NLRP7: variants seen among roughly 807,000 people sequenced by gnomAD.
The protein encoded by NLRP7 is NACHT, LRR and PYD domains-containing protein 7.
In NLRP7, 72 loss-of-function variants were observed where a neutral mutation model predicts 85.5. The ratio of observed to expected loss-of-function variants is 0.84; its 90% CI spans 0.70 to 1.02. NLRP7 has a LOEUF of 1.02. NLRP7 is among the 50% of genes least tolerant of loss of function. NLRP7 has a pLI of 0.00. For missense variants in NLRP7, 1,243 were observed against 1,219.5 expected (o/e 1.02, Z -0.29); for synonymous variants, 550 against 505.2 (o/e 1.09, Z -1.19).
intron 1 of NLRP7, among the ~76,000 whole-genome samples, chr19:54,957,813 A>C (rs1249454779): frequency 3.3e-5 from 5 of 152,142 alleles, no homozygotes; most frequent in Admixed American, 3.3e-4. Flanking sequence ...CAAAGAACCT[A>C]GGAGGGTGGA....
At chr19:54,943,340 G>A (rs533527638) in intron 1 of NLRP7, among the ~76,000 whole-genome samples, 10 of 152,034 alleles carry the variant, frequency 6.6e-5, no homozygotes, top group Non-Finnish European at 1.2e-4. Context: ...GGTGGCTCAC[G>A]CCTGTAATCC....
chr19:54,956,027 C>T (rs1019269435), intron 1 of NLRP7, among the ~76,000 whole-genome samples: 3 of 152,020 alleles, frequency 2.0e-5, no homozygotes, highest in African/African-American at 7.2e-5. Flanking sequence ...GTAGTCCCAG[C>T]TACTCAGGAG....
chr19:54,923,842 G>A (rs1389989238), exon 10 of NLRP7: 1 of 1,613,894 alleles, frequency 6.2e-7, no homozygotes, highest in Non-Finnish European at 8.5e-7. Context: ...ACAGCTTCTT[G>A]ATTTCCAAAT....
At chr19:54,954,030 A>AAGGGCAACCGAGGCCAGACG (rs1395778675) in intron 1 of NLRP7, among the ~76,000 whole-genome samples, 3 of 148,884 alleles carry the variant, frequency 2.0e-5, no homozygotes, top group African/African-American at 7.4e-5. Context: ...ATAAATAAAA[A>AAGGGCAACCGAGGCCAGACG]TAAATAAAGC....
chr19:54,930,348 G>C, intron 9 of NLRP7, 151 bp downstream of exon 9: 1 of 648,128 alleles, frequency 1.5e-6, no homozygotes, highest in Non-Finnish European at 2.8e-6. Flanking sequence ...TGTAGAGCCA[G>C]CTACTCAGGA....
intron 1 of NLRP7, among the ~76,000 whole-genome samples, chr19:54,943,917 G>C (rs889326365): frequency 5.3e-5 from 8 of 152,062 alleles, no homozygotes; most frequent in Non-Finnish European, 1.5e-5. Context: ...GTGGGTTTAG[G>C]GCTATGCAGG....
chr19:54,933,427 G>T, intron 8 of NLRP7, 142 bp downstream of exon 8: 4 of 1,040,906 alleles, frequency 3.8e-6, no homozygotes, highest in Non-Finnish European at 4.4e-6. Flanking sequence ...TTACAGGCAT[G>T]AGCCACCACG....
In NLRP7 at chr19:54,944,578, TTGTCTC is replaced by T. The variant is rs561273862; in HGVS notation, c.-39-2834_-39-2829del. Among the ~76,000 whole-genome samples the T allele has an allele frequency of 3.3e-4, 50 of 152,066 alleles. No homozygotes were observed. In the South Asian group the frequency reaches 9.8e-3, roughly 30 times the overall value. ...GAGCCCACTTTTCTTTCTGTGTACT[TTGTCTC>T]TGTGTCTCTTTCTTTTCTCAGTCTC... On this transcript the variant is annotated intron_variant, in intron 1 of 9. Transcript: ENST00000340844.
rs104895552 is a variant in NLRP7 at position 54,936,279 on chromosome 19, C to T, written c.2282G>A (p.Cys761Tyr). 1.2e-6 allele frequency: 2 copies of T among 1,613,538 alleles called. No homozygotes were observed. The highest frequency in any genetic ancestry group is 1.7e-5 in the Admixed American group (1 of 59,996). Reference sequence around the variant, plus strand: ...GACCCACCTCAGGTACTGCAGGTTGCATTTATGATTTCTGAGCAGGTCACA... The same window carrying T: ...GACCCACCTCAGGTACTGCAGGTTGTATTTATGATTTCTGAGCAGGTCACA... Residue 761 changes from cysteine to tyrosine, a missense_variant, in exon 6 of 10, where the codon TGC becomes TAC. Cys to Tyr is a radical substitution (Grantham distance 194, BLOSUM62 -2). This residue lies in a region of NLRP7 where 613 missense variants were observed against 588.4 expected (regional missense o/e 1.04). Transcript: ENST00000340844.
In NLRP7 at chr19:54,934,162, C is replaced by T. The variant is rs552437929; in HGVS notation, c.2471+327G>A. 1.3e-4 allele frequency among the ~76,000 whole-genome samples: 20 copies of T among 152,238 alleles called. No homozygotes were observed. Among genetic ancestry groups the T allele is most frequent in the South Asian group, 4.2e-4 (2 of 4,818 alleles). ...TTCACCATGTTAGCCAGGATGGTCT[C>T]GATCTCTTGACCTCGTGATCTCCCC... On this transcript the variant is annotated intron_variant, in intron 7 of 9. Coordinates refer to ENST00000340844, the Ensembl canonical transcript of NLRP7. The surrounding 1 kb of genome is among the most constrained non-coding windows in gnomAD (Gnocchi z 6.7).
intron 9 of NLRP7, chr19:54,927,682 C>T: frequency 6.2e-7 from 1 of 1,614,188 alleles, no homozygotes; most frequent in Non-Finnish European, 8.5e-7. Flanking sequence ...ACAAATGATT[C>T]TGGCCCAGGT....
rs140742138 is a variant in NLRP7 at position 54,939,087 on chromosome 19, A to T, written c.1732T>A (p.Ser578Thr). 22 of 1,614,050 alleles carry T rather than the reference A, an allele frequency of 1.4e-5. No individual in the cohort carries two copies. In the African/African-American group the frequency reaches 2.1e-4, roughly 16 times the overall value. The stretch of plus-strand genomic sequence containing the variant: ...ACCTTCGCCAGCTCCTCCTCCTGAG[A>T]CTCATACAGGCAGCCCAAGACCTCC... Residue 578 changes from serine to threonine, a missense_variant, in exon 4 of 10, where the codon TCT becomes ACT. Transcript: ENST00000340844.
Position 54,943,865 on chromosome 19 carries a change from AG to A in NLRP7, c.-39-2116del, listed in dbSNP as rs748133154. On this transcript the variant is annotated intron_variant, in intron 1 of 9. Transcript: ENST00000340844. ...TGAGATGCTGTTAACCTGTAACCCT[AG>A]CCCCAACCCTGTGCTCCCAGAAACA... is the stretch of plus-strand genomic sequence containing the variant. 4.5e-4 allele frequency among the ~76,000 whole-genome samples: 69 copies of A among 152,234 alleles called. 1 individual carries two copies. Among genetic ancestry groups the A allele is most frequent in the Admixed American group, 2.2e-3 (34 of 15,266 alleles).
upstream of NLRP7, among the ~76,000 whole-genome samples, chr19:54,949,334 G>A (rs917659672): frequency 6.6e-6 from 1 of 151,650 alleles, no homozygotes; most frequent in Non-Finnish European, 1.5e-5. Context: ...CCAGCACTTT[G>A]GGAGGCTGAG....
chr19:54,926,062 C>CAA (rs76438352), intron 9 of NLRP7, among the ~76,000 whole-genome samples: 11 of 149,598 alleles, frequency 7.4e-5, no homozygotes, highest in South Asian at 2.1e-4. Context: ...GACTCCGTCT[C>CAA]AAAAAAAAAT....
chr19:54,933,339 G>T (rs376741927), intron 8 of NLRP7, among the ~76,000 whole-genome samples: 93 of 152,118 alleles, frequency 6.1e-4, no homozygotes, highest in African/African-American at 2.1e-3. Flanking sequence ...TACAGACAGG[G>T]TTTCACCATG....
intron 6 of NLRP7, among the ~76,000 whole-genome samples, chr19:54,935,289 G>A (rs2146196146): frequency 6.6e-6 from 1 of 152,100 alleles, no homozygotes; most frequent in East Asian, 1.9e-4. Flanking sequence ...GAGTGCAGTG[G>A]CATGATCACA....
At chr19:54,956,811 G>A (rs1402132167) in intron 1 of NLRP7, among the ~76,000 whole-genome samples, 1 of 150,846 alleles carries the variant, frequency 6.6e-6, no homozygotes, top group Non-Finnish European at 1.5e-5. Context: ...TGCATTTTTA[G>A]TAGAAACGGG....
chr19:54,952,655 TCTC>T lies in NLRP7; in HGVS notation c.-76-5153_-76-5151del, dbSNP rs201978162. 9.1e-4 allele frequency among the ~76,000 whole-genome samples: 138 copies of T among 151,482 alleles called. 1 individual carries two copies. The East Asian group carries it at 0.023, about 25-fold the overall frequency. On this transcript the variant is annotated intron_variant, in intron 1 of 2. Coordinates refer to the NLRP7 transcript ENST00000587103. ...GAGATGGATTGGAGGTTTCCTCCCA[TCTC>T]CTCATTCCTCAGCCCTGTGATTAAA...
Sources: gnomAD v4.1 joint callset for allele counts (sites outside exome capture counted in the v4.1 genomes callset) on GRCh38, gnomAD v4.1.1 for gene constraint, gnomAD v4.1.1 regional missense constraint, Gnocchi (gnomAD v3.1) non-coding constraint, MANE v1.5 for transcripts, NCBI Gene and HGNC (gene_info 2026-07-23, HGNC 2026-07-21) for gene names.